SYNJ2: variants seen among roughly 807,000 people sequenced by gnomAD.
SYNJ2 encodes the protein polyphosphatidylinositol phosphatase SYNJ2.
Under a neutral mutation model 141.3 loss-of-function variants are expected in SYNJ2, and 116 were observed. The ratio of observed to expected loss-of-function variants is 0.82; its 90% CI spans 0.71 to 0.96. The LOEUF (loss-of-function observed/expected upper bound fraction) is 0.96. Among genes scored for constraint, SYNJ2 ranks in the 40% least tolerant of loss-of-function variants. The pLI is 0.00. For synonymous variants in SYNJ2, 745 were observed against 777.7 expected, an observed-to-expected ratio of 0.96 and a Z score of 0.70; for missense variants, 1,873 against 1,934.8, an observed-to-expected ratio of 0.97 and a Z score of 0.60.
intron 26 of SYNJ2, among the ~76,000 whole-genome samples, chr6:158,093,665 T>G (rs2128402288): frequency 6.6e-6 from 1 of 152,288 alleles, no homozygotes; most frequent in African/African-American, 2.4e-5. Flanking sequence ...CTTGGAGGTA[T>G]TATGCTTCCT....
chr6:158,077,035 G>A (rs566272294), intron 17 of SYNJ2, among the ~76,000 whole-genome samples: 47 of 144,960 alleles, frequency 3.2e-4, no homozygotes, highest in Middle Eastern at 3.4e-3. Context: ...CACTCTTGTT[G>A]CCTAGGCTGG....
chr6:158,024,688 G>A (rs1778946713), intron 2 of SYNJ2, among the ~76,000 whole-genome samples: 1 of 152,238 alleles, frequency 6.6e-6, no homozygotes. Context: ...ACACACGGCT[G>A]CAGGGGCTGA....
intron 15 of SYNJ2, 57 bp from the exon 16 acceptor site, chr6:158,074,523 C>G: frequency 6.4e-7 from 1 of 1,567,160 alleles, no homozygotes; most frequent in Non-Finnish European, 8.6e-7. Context: ...TTTTTCTCCT[C>G]TCTCCCACCT....
chr6:158,069,514 C>A lies in SYNJ2; in HGVS notation c.1800-19C>A. ...CTTCCAGCTACCTGTAAACAGCATC[C>A]TTTCCTTTTCTCTTCCAGTACTACC... On this transcript the variant is annotated intron_variant, in intron 13 of 26. Transcript: ENST00000355585. The A allele has an allele frequency of 6.2e-7, 1 of 1,607,410 alleles. No homozygotes were observed. Among genetic ancestry groups the A allele is most frequent in the Non-Finnish European group, 8.5e-7 (1 of 1,175,426 alleles).
intron 1 of SYNJ2, among the ~76,000 whole-genome samples, chr6:157,993,647 G>A (rs1350088682): frequency 2.8e-5 from 4 of 143,512 alleles, no homozygotes; most frequent in African/African-American, 1.0e-4. Context: ...ATGTTTTACT[G>A]TAGTAGCTTC....
intron 16 of SYNJ2, among the ~76,000 whole-genome samples, chr6:158,075,220 C>G (rs1166731397): frequency 8.6e-5 from 13 of 152,010 alleles, no homozygotes; most frequent in Non-Finnish European, 1.5e-5. Context: ...GCATGAGCCA[C>G]CATGCCCGGT....
intron 25 of SYNJ2, 73 bp downstream of exon 25, chr6:158,090,020 A>G (rs1453432076): frequency 9.8e-7 from 1 of 1,018,176 alleles, no homozygotes; most frequent in Non-Finnish European, 1.5e-6. Context: ...AAAGTGGTCT[A>G]GAAACGAAAA....
chr6:157,996,378 T>C (rs771985968), intron 1 of SYNJ2, among the ~76,000 whole-genome samples: 6 of 152,084 alleles, frequency 3.9e-5, no homozygotes, highest in Non-Finnish European at 5.9e-5. Context: ...TGGCAGCCTT[T>C]GAACTAGTCT....
chr6:158,083,428 G>A lies in SYNJ2; in HGVS notation c.2866-1G>A. On this transcript the variant is annotated splice_acceptor_variant, in intron 20 of 26. Transcript: ENST00000355585. LOFTEE classifies it high-confidence loss of function. ...CCTGGGTGGCCGCTCTGCCCTCCCA[G>A]GTGAAAGGCAGAGCAGTGAAGATTA... The A allele has an allele frequency of 1.9e-6, 3 of 1,613,562 alleles. No individual in the cohort carries two copies. The South Asian group carries it at 3.3e-5, about 18-fold the overall frequency.
At chr6:158,074,802 G>A in intron 16 of SYNJ2, 64 bp downstream of exon 16, 1 of 1,570,958 alleles carries the variant, frequency 6.4e-7, no homozygotes, top group East Asian at 2.3e-5. Flanking sequence ...TCTGTGAGAT[G>A]TAGAGGCTGG....
Position 158,078,239 on chromosome 6 carries a change from T to C in SYNJ2, c.2525T>C (p.Leu842Pro), listed in dbSNP as rs747301950. ...AGACACACCTGGTCTCCTGGTGCCC[T>C]GCAGTATTATGGTCGTGCGGAGCTA... ...KVRHTWSPGA[L>P]QYYGRAELQA... Residue 842 changes from leucine (L) to proline (P), a missense_variant, in exon 18 of 27, where the codon CTG becomes CCG. By Grantham distance (98) the Leu-to-Pro change is moderately conservative. Transcript: ENST00000355585. The C allele has an allele frequency of 4.3e-6, 7 of 1,614,056 alleles. No individual in the cohort carries two copies. The Middle Eastern group carries it at 4.9e-4, about 114-fold the overall frequency.
In SYNJ2 at chr6:158,081,134, G is replaced by C; in HGVS notation, c.2593G>C (p.Glu865Gln). Residue 865 changes from glutamate to glutamine, a missense_variant, in exon 19 of 27, where the codon GAA (glutamate) becomes CAA (glutamine). Glu to Gln is a conservative substitution (Grantham distance 29). Coordinates refer to ENST00000355585, the MANE Select transcript of SYNJ2 (RefSeq NM_003898.4). ...ACCTGTGCTGGCGATCGTGGAGGTG[G>C]AAGTTCAGGAAGTCGATGTGGGTGC... ...HRPVLAIVEV[E>Q]VQEVDVGARE... is the part of the protein sequence containing the mutation. 6.2e-7 allele frequency: 1 copy of C among 1,614,086 alleles called. No individual in the cohort carries two copies. The highest frequency in any genetic ancestry group is 8.5e-7 in the Non-Finnish European group (1 of 1,180,036).
chr6:158,054,872 G>A (rs1489939231), intron 5 of SYNJ2, 95 bp from the exon 6 acceptor site: 1 of 1,354,316 alleles, frequency 7.4e-7, no homozygotes. Context: ...GCCACATGCA[G>A]CCTGGCTGGG....
At position 158,000,282 on chromosome 6, in the gene SYNJ2, T is replaced by C. The variant is rs913349219; in HGVS notation, c.128-16922T>C. On this transcript the variant is annotated intron_variant, in intron 1 of 26. Coordinates refer to ENST00000355585, the MANE Select transcript of SYNJ2 (RefSeq NM_003898.4). ...GGGCCTCTGTACGTAAGAGCAGACATGTATGGAGAAGGCCGGAGAGTCACA... is the reference window on the plus strand; with the variant it reads ...GGGCCTCTGTACGTAAGAGCAGACACGTATGGAGAAGGCCGGAGAGTCACA... 2.6e-5 allele frequency among the ~76,000 whole-genome samples: 4 copies of C among 152,040 alleles called. No homozygotes were observed. The South Asian group carries it at 8.3e-4, about 31-fold the overall frequency.
At chr6:157,989,256 A>C (rs2128314218) in intron 1 of SYNJ2, among the ~76,000 whole-genome samples, 1 of 151,996 alleles carries the variant, frequency 6.6e-6, no homozygotes, top group Non-Finnish European at 1.5e-5. Context: ...AGTGGCTTAC[A>C]TTTATTAACT....
Position 158,069,615 on chromosome 6 carries a change from C to G in SYNJ2, c.1882C>G (p.Gln628Glu). ...TAGATACATTCTGTTGACTTCGGCA[C>G]AGCTGGTGGGCGTCTGTCTTTATAT... ...SHRYILLTSAQLVGVCLYIFV... is the reference protein window; with the variant it reads ...SHRYILLTSAELVGVCLYIFV... Residue 628 changes from glutamine to glutamate, a missense_variant, in exon 14 of 27, where the codon CAG becomes GAG. Coordinates refer to ENST00000355585, the MANE Select transcript of SYNJ2 (RefSeq NM_003898.4). 1 of 1,614,114 alleles carries G rather than the reference C, an allele frequency of 6.2e-7. No homozygotes were observed. Among genetic ancestry groups the G allele is most frequent in the Non-Finnish European group, 8.5e-7 (1 of 1,179,954 alleles).
At position 158,033,508 on chromosome 6, in the gene SYNJ2, G is replaced by A. The variant is rs767551369; in HGVS notation, c.539G>A (p.Trp180Ter). The A allele has an allele frequency of 6.2e-7, 1 of 1,614,236 alleles. No homozygotes were observed. The highest frequency in any genetic ancestry group is 1.1e-5 in the South Asian group (1 of 91,090). The change falls in exon 4 of 27, where the codon TGG becomes TAG. Residue 180 changes from tryptophan (W) to a stop codon, truncating the protein, a stop_gained. Transcript: ENST00000355585. LOFTEE classifies it high-confidence loss of function. ...CAGCACCAGGTGAGCTGCTGTGACT[G>A]GCTGCTGAAGATCATCTGCGGGGTG... The part of the protein sequence containing the change: ...LRQHQVSCCD[W>*]LLKIICGVVT...
intron 26 of SYNJ2, among the ~76,000 whole-genome samples, chr6:158,093,457 A>AAAAAAAAC (rs1562413611): frequency 1.1e-4 from 16 of 151,318 alleles, no homozygotes; most frequent in African/African-American, 3.4e-4. Context: ...AAACAAAAAA[A>AAAAAAAAC]AAAAAACAGA....
Position 158,096,159 on chromosome 6 carries a change from G to A in SYNJ2, c.4286G>A (p.Trp1429Ter). 2 of 1,614,226 alleles carry A rather than the reference G, an allele frequency of 1.2e-6. No individual in the cohort carries two copies. The highest frequency in any genetic ancestry group is 3.3e-5 in the Admixed American group (2 of 60,028). The change falls in exon 27 of 27, where the codon TGG (tryptophan) becomes TAG (stop). Residue 1429 changes from tryptophan (W) to a stop codon, truncating the protein, a stop_gained. Coordinates refer to ENST00000355585, the MANE Select transcript of SYNJ2 (RefSeq NM_003898.4). LOFTEE classifies it low-confidence loss of function (END_TRUNC). ...LHHPKLLNNT[W>*]LSKSSDPLDS... Reference sequence around the variant, plus strand: ...CACCCTAAACTGTTGAATAACACTTGGCTTTCTAAGAGCTCAGACCCTTTG... The same window carrying A: ...CACCCTAAACTGTTGAATAACACTTAGCTTTCTAAGAGCTCAGACCCTTTG...
Sources: gnomAD v4.1 joint callset for allele counts (sites outside exome capture counted in the v4.1 genomes callset) on GRCh38, gnomAD v4.1.1 for gene constraint, MANE v1.5 for transcripts, NCBI Gene and HGNC (gene_info 2026-07-23, HGNC 2026-07-21) for gene names.